BTF3: variants seen among roughly 807,000 people sequenced by gnomAD.
The protein encoded by BTF3 is basic transcription factor 3.
Under a neutral mutation model 23.9 loss-of-function variants are expected in BTF3, and 12 were observed. The ratio of observed to expected loss-of-function variants is 0.50; its 90% CI spans 0.32 to 0.81. The LOEUF is 0.81. Among genes scored for constraint, BTF3 ranks in the 40% least tolerant of loss-of-function variants. The pLI, the probability that BTF3 is intolerant of heterozygous loss-of-function variation, is 0.03. For synonymous variants in BTF3, 96 were observed against 94.8 expected (o/e 1.01, Z -0.07); for missense variants, 215 against 255.9 (o/e 0.84, Z 1.09).
intron 5 of BTF3, 89 bp from the exon 6 acceptor site, chr5:73,505,103 G>T: frequency 1.1e-5 from 11 of 996,186 alleles, no homozygotes; most frequent in South Asian, 2.7e-5. Context: ...ATTGGCAAAT[G>T]AATGTCTTTC....
chr5:73,501,524 C>T (rs1746435695), intron 2 of BTF3, among the ~76,000 whole-genome samples: 1 of 152,100 alleles, frequency 6.6e-6, no homozygotes, highest in South Asian at 2.1e-4. Context: ...TGAGAAAGAC[C>T]ACTTTGATCA....
chr5:73,503,228 T>A, intron 4 of BTF3, 111 bp downstream of exon 4: 1 of 1,111,398 alleles, frequency 9.0e-7, no homozygotes, highest in Non-Finnish European at 1.3e-6. Flanking sequence ...ATGCAAGCTT[T>A]AAAAATAACA....
At chr5:73,499,822 G>C (rs1420658246) in intron 2 of BTF3, among the ~76,000 whole-genome samples, 2 of 152,160 alleles carry the variant, frequency 1.3e-5, no homozygotes, top group African/African-American at 4.8e-5. Flanking sequence ...GGTGGATACT[G>C]ATTCACATCA....
chr5:73,504,965 C>G (rs1164844544), intron 5 of BTF3: 3 of 440,604 alleles, frequency 6.8e-6, no homozygotes, highest in Non-Finnish European at 1.2e-5. Flanking sequence ...CATTGTGTGT[C>G]ATTGTATTCT....
intron 1 of BTF3, 105 bp downstream of exon 1, chr5:73,498,904 C>A: frequency 6.9e-7 from 1 of 1,447,664 alleles, no homozygotes; most frequent in Non-Finnish European, 9.1e-7. Context: ...TGGGGTAGAG[C>A]CTTTCATCCG....
intron 2 of BTF3, among the ~76,000 whole-genome samples, chr5:73,501,272 G>T (rs569377874): frequency 1.3e-5 from 2 of 152,154 alleles, no homozygotes; most frequent in African/African-American, 2.4e-5. Flanking sequence ...GAGGTTGGGG[G>T]ACGGTGAGGT....
At position 73,498,705 on chromosome 5, in the gene BTF3, G is replaced by A; in HGVS notation, c.38G>A (p.Arg13Gln). The change falls in exon 1 of 6, where the codon CGG becomes CAG. Residue 13 changes from arginine (R) to glutamine (Q), a missense_variant. By Grantham distance (43) the Arg-to-Gln change is conservative. Coordinates refer to ENST00000380591, the MANE Select transcript of BTF3 (RefSeq NM_001037637.2). ...GGCGCACCCGCTCAGGCTGACTCTC[G>A]GGGGCGAGGTCGAGCCAGGGGCGGC... Reference protein sequence around the residue: ...RTGAPAQADSRGRGRARGGCP... With the variant: ...RTGAPAQADSQGRGRARGGCP... 5 of 1,496,166 alleles carry A rather than the reference G, an allele frequency of 3.3e-6. No individual in the cohort carries two copies. Among genetic ancestry groups the A allele is most frequent in the Non-Finnish European group, 4.4e-6 (5 of 1,131,438 alleles). 92.7% of individuals were successfully genotyped at this position (1,496,166 alleles called of 1,614,324 possible). A position where few individuals can be genotyped will look rare whatever the true frequency, so the allele number is the denominator to read the frequency against.
chr5:73,502,158 CA>C (rs148360172), intron 2 of BTF3, among the ~76,000 whole-genome samples: 344 of 77,066 alleles, frequency 4.5e-3, no homozygotes, highest in Middle Eastern at 9.3e-3. Context: ...GACCCTGTCT[CA>C]AAAAAAAAAA....
intron 2 of BTF3, among the ~76,000 whole-genome samples, chr5:73,502,198 C>T (rs1205898779): frequency 6.7e-6 from 1 of 148,682 alleles, no homozygotes; most frequent in Non-Finnish European, 1.5e-5. Flanking sequence ...GTTAATAATT[C>T]TGGATGTGGA....
chr5:73,500,108 T>C (rs1377085745), intron 2 of BTF3, among the ~76,000 whole-genome samples: 5 of 152,358 alleles, frequency 3.3e-5, no homozygotes, highest in Non-Finnish European at 7.3e-5. Context: ...AATAATAATA[T>C]ACAGCTTTGT....
intron 2 of BTF3, among the ~76,000 whole-genome samples, chr5:73,502,038 C>G (rs1580358188): frequency 6.6e-6 from 1 of 151,680 alleles, no homozygotes; most frequent in African/African-American, 2.4e-5. Context: ...CATGGTGGTG[C>G]CTGTAATCCC....
intron 1 of BTF3, 149 bp from the exon 2 acceptor site, chr5:73,498,985 C>A: frequency 8.0e-7 from 1 of 1,249,716 alleles, no homozygotes; most frequent in Non-Finnish European, 1.1e-6. Flanking sequence ...CCTGGAAACC[C>A]AAATTTGGAG....
chr5:73,503,974 G>C (rs1746497437), intron 4 of BTF3, among the ~76,000 whole-genome samples: 1 of 152,158 alleles, frequency 6.6e-6, no homozygotes, highest in Non-Finnish European at 1.5e-5. Context: ...GCCACACACA[G>C]AGTAGTTGAG....
chr5:73,502,363 T>C, intron 2 of BTF3, 125 bp from the exon 3 acceptor site: 1 of 640,180 alleles, frequency 1.6e-6, no homozygotes, highest in Non-Finnish European at 2.5e-6. Context: ...TGCATAAGTT[T>C]ATGATTATGG....
Position 73,498,749 on chromosome 5 carries a change from A to C in BTF3, c.82A>C (p.Thr28Pro). Residue 28 changes from threonine to proline, a missense_variant, in exon 1 of 6, where the codon ACG becomes CCG. Physicochemically the swap from Thr to Pro is conservative, Grantham distance 38 (BLOSUM62 -1). Around this residue, in one of 2 missense-constraint regions of BTF3, gnomAD observed 116 missense variants for 84.7 expected, o/e 1.37. Coordinates refer to ENST00000380591, the MANE Select transcript of BTF3 (RefSeq NM_001037637.2). ...GGGCGGCTGCCCTGGGGGCGAGGCG[A>C]CGCTGTCTCAACCTCCACCTCGCGG... ...ARGGCPGGEA[T>P]LSQPPPRGGT... 1 of 1,494,900 alleles carries C rather than the reference A, an allele frequency of 6.7e-7. No individual in the cohort carries two copies. The highest frequency in any genetic ancestry group is 8.8e-7 in the Non-Finnish European group (1 of 1,132,460). 92.6% of individuals were successfully genotyped at this position (1,494,900 alleles called of 1,614,324 possible). A position where few individuals can be genotyped will look rare whatever the true frequency, so the allele number is the denominator to read the frequency against.
At position 73,503,102 on chromosome 5, in the gene BTF3, G is replaced by T; in HGVS notation, c.502G>T (p.Ala168Ser). ...SLTSLRRLAE[A>S]LPKQSVDGKA... The stretch of plus-strand genomic sequence containing the variant: ...GACTAGTTTAAGGAGACTGGCCGAA[G>T]CTCTGCCCAAACAATGTGAGTTTCC... The change falls in exon 4 of 6, where the codon GCT becomes TCT. Residue 168 changes from alanine (A) to serine (S), a missense_variant. This residue lies in a region of BTF3 where 99 missense variants were observed against 171.2 expected (regional missense o/e 0.58). Coordinates refer to ENST00000380591, the MANE Select transcript of BTF3 (RefSeq NM_001037637.2). The T allele has an allele frequency of 1.9e-6, 3 of 1,613,714 alleles. No homozygotes were observed. Among genetic ancestry groups the T allele is most frequent in the Non-Finnish European group, 2.5e-6 (3 of 1,179,830 alleles).
At chr5:73,504,264 G>GTTGTTT in intron 4 of BTF3, 83 bp from the exon 5 acceptor site, 1 of 404,646 alleles carries the variant, frequency 2.5e-6, no homozygotes, top group Non-Finnish European at 3.6e-6. Context: ...CATTTCATCT[G>GTTGTTT]TTCTTTTTTT....
intron 2 of BTF3, among the ~76,000 whole-genome samples, chr5:73,500,102 A>G (rs1309987625): frequency 6.6e-6 from 1 of 152,322 alleles, no homozygotes; most frequent in South Asian, 2.1e-4. Flanking sequence ...GACTTAAATA[A>G]TAATATACAG....
In BTF3 at chr5:73,499,124, C is replaced by G. The variant is rs375912895; in HGVS notation, c.133-10C>G. Reference sequence around the variant, plus strand: ...AACCTATCCTTGCTGAGGATTTCCTCTTTTTCTAGATGAAAGAAACAATCA... The same window carrying G: ...AACCTATCCTTGCTGAGGATTTCCTGTTTTTCTAGATGAAAGAAACAATCA... On this transcript the variant is annotated splice_polypyrimidine_tract_variant and intron_variant, in intron 1 of 5. Coordinates refer to ENST00000380591, the MANE Select transcript of BTF3 (RefSeq NM_001037637.2). The G allele has an allele frequency of 5.6e-6, 9 of 1,605,900 alleles. No homozygotes were observed. Among genetic ancestry groups the G allele is most frequent in the Middle Eastern group, 1.9e-4 (1 of 5,190 alleles).
Sources: gnomAD v4.1 joint callset for allele counts (sites outside exome capture counted in the v4.1 genomes callset) on GRCh38, gnomAD v4.1.1 for gene constraint, gnomAD v4.1.1 regional missense constraint, MANE v1.5 for transcripts, NCBI Gene and HGNC (gene_info 2026-07-23, HGNC 2026-07-21) for gene names.